Variants in SLC25A21 observed in about 807,000 individuals in gnomAD.
SLC25A21 encodes the protein mitochondrial 2-oxodicarboxylate carrier.
In SLC25A21, 47 loss-of-function variants were observed where a neutral mutation model predicts 43.8. The ratio of observed to expected loss-of-function variants is 1.07; its 90% CI spans 0.85 to 1.37. SLC25A21 has a LOEUF of 1.37. Ranked by LOEUF, SLC25A21 falls within the 40% of genes most tolerant of loss-of-function variation. The pLI, the probability that SLC25A21 is intolerant of heterozygous loss-of-function variation, is 0.00. For missense variants in SLC25A21, 352 were observed against 350.2 expected (o/e 1.00, Z -0.04); for synonymous variants, 131 against 121.3 (o/e 1.08, Z -0.52).
At chr14:36,791,750 C>T (rs914432208) in intron 3 of SLC25A21, among the ~76,000 whole-genome samples, 2 of 152,082 alleles carry the variant, frequency 1.3e-5, no homozygotes, top group South Asian at 2.1e-4. Context: ...TTAACCACCC[C>T]GCTTTGCTCT....
At chr14:36,725,088 AT>A (rs542837072) in intron 6 of SLC25A21, 1 of 152,208 alleles carries the variant, frequency 6.6e-6, no homozygotes, top group Non-Finnish European at 1.5e-5. Flanking sequence ...GAGATACTTG[AT>A]TTTTTCTTAC....
At chr14:36,931,925 C>A (rs1444398349) in intron 1 of SLC25A21, among the ~76,000 whole-genome samples, 1 of 152,140 alleles carries the variant, frequency 6.6e-6, no homozygotes, top group Non-Finnish European at 1.5e-5. Flanking sequence ...GAGCTAGAGA[C>A]ATTTTGCAAA....
At chr14:36,772,120 C>T (rs1423123308) in intron 3 of SLC25A21, among the ~76,000 whole-genome samples, 1 of 152,210 alleles carries the variant, frequency 6.6e-6, no homozygotes, top group African/African-American at 2.4e-5. Flanking sequence ...GCACTGCTTA[C>T]AGGCCATATG....
At chr14:36,743,515 C>T (rs1263315053) in intron 3 of SLC25A21, among the ~76,000 whole-genome samples, 4 of 151,984 alleles carry the variant, frequency 2.6e-5, no homozygotes, top group Admixed American at 6.6e-5. Flanking sequence ...AAAAGTCCTT[C>T]ACCAGAATAT....
At position 36,680,717 on chromosome 14, in the gene SLC25A21, C is replaced by T. The variant is rs780825226; in HGVS notation, c.841G>A (p.Gly281Ser). The T allele has an allele frequency of 2.4e-5, 39 of 1,611,490 alleles. No individual in the cohort carries two copies. Among genetic ancestry groups the T allele is most frequent in the Admixed American group, 1.2e-4 (7 of 59,704 alleles). ...TCATAAACCAGCAGCATCACTGCAC[C>T]ACCTAGAAAAGAAAAGAGCTGTTTT... is the stretch of plus-strand genomic sequence containing the variant. ...LPKIMRLGPGGAVMLLVYEYT... is the reference protein window; with the variant it reads ...LPKIMRLGPGSAVMLLVYEYT... Residue 281 changes from glycine to serine, a missense_variant and splice_region_variant, in exon 10 of 10, where the codon GGT becomes AGT. Coordinates refer to ENST00000331299, the MANE Select transcript of SLC25A21 (RefSeq NM_030631.4).
chr14:37,016,657 C>T (rs1359904068), intron 1 of SLC25A21, among the ~76,000 whole-genome samples: 1 of 152,064 alleles, frequency 6.6e-6, no homozygotes, highest in East Asian at 1.9e-4. Context: ...AGCTTTGAAG[C>T]CAGGCAATGA....
intron 3 of SLC25A21, among the ~76,000 whole-genome samples, chr14:36,801,932 T>G (rs1311893463): frequency 6.6e-6 from 1 of 152,140 alleles, no homozygotes; most frequent in South Asian, 2.1e-4. Flanking sequence ...CCTTCACAGT[T>G]TCCCTAATTA....
chr14:36,897,385 A>G (rs1891273198), intron 1 of SLC25A21, among the ~76,000 whole-genome samples: 1 of 151,984 alleles, frequency 6.6e-6, no homozygotes, highest in African/African-American at 2.4e-5. Flanking sequence ...TTTCAGCTCC[A>G]TCAGGTCCTT....
At chr14:37,056,342 T>A in intron 1 of SLC25A21, among the ~76,000 whole-genome samples, 1 of 151,914 alleles carries the variant, frequency 6.6e-6, no homozygotes, top group Admixed American at 6.6e-5. Flanking sequence ...TACAAAAAAT[T>A]AGCCAGGCGA....
intron 3 of SLC25A21, among the ~76,000 whole-genome samples, chr14:36,775,074 T>C (rs1886774978): frequency 1.3e-5 from 2 of 152,348 alleles, no homozygotes; most frequent in South Asian, 2.1e-4. Flanking sequence ...TACACACTCA[T>C]TCTTATCTTC....
chr14:36,842,455 T>C (rs998669256), intron 2 of SLC25A21, among the ~76,000 whole-genome samples: 4 of 152,172 alleles, frequency 2.6e-5, no homozygotes, highest in Admixed American at 2.0e-4. Context: ...GGTGGAGTTC[T>C]GGCAGCTATT....
intron 7 of SLC25A21, among the ~76,000 whole-genome samples, chr14:36,699,944 T>C (rs1013852043): frequency 6.6e-6 from 1 of 152,176 alleles, no homozygotes; most frequent in South Asian, 2.1e-4. Context: ...TCACCCTCCG[T>C]GGGCTGCACC....
intron 3 of SLC25A21, among the ~76,000 whole-genome samples, chr14:36,796,812 C>T (rs945028176): frequency 2.6e-5 from 4 of 152,178 alleles, no homozygotes; most frequent in East Asian, 1.9e-4. Flanking sequence ...GTTCACACGT[C>T]GGCTTTGTCG....
At chr14:37,030,213 TC>T (rs1176386205) in intron 1 of SLC25A21, among the ~76,000 whole-genome samples, 1 of 152,108 alleles carries the variant, frequency 6.6e-6, no homozygotes, top group African/African-American at 2.4e-5. Flanking sequence ...TGGAAGTAGA[TC>T]ATCATAAAGG....
intron 1 of SLC25A21, among the ~76,000 whole-genome samples, chr14:36,896,450 G>C (rs556973171): frequency 6.6e-6 from 1 of 152,184 alleles, no homozygotes; most frequent in Non-Finnish European, 1.5e-5. Flanking sequence ...ACGTGAGATG[G>C]GTTTCCTGAA....
chr14:36,755,436 T>C (rs1885887196), intron 3 of SLC25A21, among the ~76,000 whole-genome samples: 1 of 152,216 alleles, frequency 6.6e-6, no homozygotes, highest in South Asian at 2.1e-4. Flanking sequence ...AGGTGATTTT[T>C]TTCCTTCATC....
At chr14:36,852,096 A>G (rs1451291139) in intron 2 of SLC25A21, among the ~76,000 whole-genome samples, 2 of 152,160 alleles carry the variant, frequency 1.3e-5, no homozygotes, top group Non-Finnish European at 2.9e-5. Context: ...TTAACTTCAA[A>G]TCCAAAAAGT....
intron 2 of SLC25A21, among the ~76,000 whole-genome samples, chr14:36,845,026 G>C (rs1045077618): frequency 2.6e-5 from 4 of 152,186 alleles, no homozygotes; most frequent in Admixed American, 1.3e-4. Flanking sequence ...TTTTTATTAG[G>C]TGATGGCATG....
At chr14:36,815,729 G>C (rs1293505023) in intron 2 of SLC25A21, among the ~76,000 whole-genome samples, 1 of 152,026 alleles carries the variant, frequency 6.6e-6, no homozygotes, top group Non-Finnish European at 1.5e-5. Context: ...TTTCTAAAGA[G>C]GTTTATAACA....
Sources: allele counts gnomAD v4.1 joint callset (sites outside exome capture counted in the v4.1 genomes callset), GRCh38; gene constraint gnomAD v4.1.1; transcripts MANE v1.5; gene names NCBI Gene and HGNC (gene_info 2026-07-23, HGNC 2026-07-21).